Variants in ECHDC2 observed in about 807,000 individuals in gnomAD.
The protein encoded by ECHDC2 is enoyl-CoA hydratase domain containing 2.
A neutral mutation model predicts 40.6 loss-of-function variants in ECHDC2; 34 were observed. That is an observed-to-expected ratio of 0.84 (90% CI 0.64 to 1.11). ECHDC2 has a LOEUF of 1.11. Ranked by LOEUF, ECHDC2 falls within the 50% of genes most tolerant of loss-of-function variation. The pLI, the probability that ECHDC2 is intolerant of heterozygous loss-of-function variation, is 0.00. For missense variants in ECHDC2, 392 were observed against 400.7 expected (o/e 0.98, Z 0.19); for synonymous variants, 162 against 166.6 (o/e 0.97, Z 0.21).
chr1:52,907,784 T>C (rs1024088809), intron 4 of ECHDC2, 84 bp downstream of exon 4: 9 of 1,179,038 alleles, frequency 7.6e-6, no homozygotes, highest in Non-Finnish European at 9.8e-6. Context: ...AAGAAGACTC[T>C]CCTTAGATGC....
chr1:52,897,305 T>C (rs1571899300), intron 9 of ECHDC2, 132 bp downstream of exon 9: 17 of 926,282 alleles, frequency 1.8e-5, no homozygotes, highest in Non-Finnish European at 2.8e-5. Context: ...AGGTGACTTA[T>C]GAGGGACGAT....
rs757837553 is a variant in ECHDC2 at position 52,906,587 on chromosome 1, G to A, written c.389C>T (p.Ala130Val). The A allele has an allele frequency of 1.9e-5, 30 of 1,611,990 alleles. No homozygotes were observed. The highest frequency in any genetic ancestry group is 9.3e-5 in the African/African-American group (7 of 74,904). ...DIAAFPAPTI[A>V]AMDGFALGGG... ...GCCCAAGGCAAACCCATCCATAGCC[G>A]CAATGGTGGGTGCAGGGAAGGCTGC... The change falls in exon 5 of 10, where the codon GCG (alanine) becomes GTG (valine). Residue 130 changes from alanine (A) to valine (V), a missense_variant. Physicochemically the swap from Ala to Val is moderately conservative, Grantham distance 64. Coordinates refer to ENST00000371522, the MANE Select transcript of ECHDC2 (RefSeq NM_001198961.2).
rs576017717 is a variant in ECHDC2 at position 52,903,117 on chromosome 1, A to C, written c.702+1529T>G. Among the ~76,000 whole-genome samples the C allele has an allele frequency of 1.4e-4, 21 of 152,264 alleles. No individual in the cohort carries two copies. In the East Asian group the frequency reaches 1.7e-3, roughly 13 times the overall value. ...CCTCGCAGGGCCTTGGATACCCCAG[A>C]CAGCCAGATCCCAGATATCCCTGCT... On this transcript the variant is annotated intron_variant, in intron 7 of 9. Coordinates refer to ENST00000371522, the MANE Select transcript of ECHDC2 (RefSeq NM_001198961.2).
At chr1:52,910,352 G>GATTTTTTTT (rs1649094598) in intron 3 of ECHDC2, among the ~76,000 whole-genome samples, 1 of 32,062 alleles carries the variant, frequency 3.1e-5, no homozygotes, top group East Asian at 8.5e-4. Flanking sequence ...CCACAATTTC[G>GATTTTTTTT]TTTTTTTTTT....
Position 52,904,829 on chromosome 1 carries a change from C to A in ECHDC2, c.519G>T (p.Gly173=). Residue 173 remains glycine, a synonymous_variant, in exon 7 of 10, where the codon GGG becomes GGT. Transcript: ENST00000371522. ...TTRGLLPGAG[G]TQRLPRCLGV... ...CCAGACAACGGGGCAGCCTCTGAGTCCCTCCTACCAGGATGGAGGGAGCAG... is the reference window on the plus strand; with the variant it reads ...CCAGACAACGGGGCAGCCTCTGAGTACCTCCTACCAGGATGGAGGGAGCAG... 2 of 1,611,434 alleles carry A rather than the reference C, an allele frequency of 1.2e-6. No homozygotes were observed. Among genetic ancestry groups the A allele is most frequent in the African/African-American group, 1.3e-5 (1 of 75,014 alleles).
At chr1:52,912,941 C>A (rs1649891335) in intron 1 of ECHDC2, 1 of 150,842 alleles carries the variant, frequency 6.6e-6, no homozygotes, top group Admixed American at 6.6e-5. Context: ...CCACCTCGGC[C>A]TCTAAAAGTG....
chr1:52,916,387 G>A (rs907726890), intron 1 of ECHDC2, among the ~76,000 whole-genome samples: 3 of 151,988 alleles, frequency 2.0e-5, no homozygotes. Context: ...AATACTGACT[G>A]TCAACTCTTA....
intron 5 of ECHDC2, chr1:52,906,108 C>T: frequency 2.8e-6 from 1 of 351,512 alleles, no homozygotes; most frequent in South Asian, 2.2e-5. Context: ...TGGCTGGTGC[C>T]AGTATTCCTG....
Position 52,896,224 on chromosome 1 carries a change from C to CCT in ECHDC2, c.*295_*296insAG, listed in dbSNP as rs1646629886. ...GCTGAGAGCCAATGATACCAAGACT[C>CCT]AGAGAGATCTAATTTAATTCTTTAT... On this transcript the variant is annotated 3_prime_UTR_variant, in exon 10 of 10. Coordinates refer to ENST00000371522, the MANE Select transcript of ECHDC2 (RefSeq NM_001198961.2). The CCT allele has an allele frequency of 2.8e-6, 1 of 361,506 alleles. No homozygotes were observed. Among genetic ancestry groups the CCT allele is most frequent in the East Asian group, 5.8e-5 (1 of 17,108 alleles). The allele number at this position is 361,506 out of a possible 1,614,324, so 22.4% of individuals were successfully genotyped here.
chr1:52,917,260 G>A (rs1315008142), intron 1 of ECHDC2, among the ~76,000 whole-genome samples: 1 of 151,732 alleles, frequency 6.6e-6, no homozygotes, highest in Non-Finnish European at 1.5e-5. Context: ...AGGGTAGTGT[G>A]GAGAACAACT....
chr1:52,904,677 G>A lies in ECHDC2; in HGVS notation c.671C>T (p.Ala224Val), dbSNP rs753485888. The A allele has an allele frequency of 6.2e-7, 1 of 1,608,944 alleles. No individual in the cohort carries two copies. Among genetic ancestry groups the A allele is most frequent in the Non-Finnish European group, 8.5e-7 (1 of 1,178,148 alleles). ...NEEGDAAYQR[A>V]RALAQEILPQ... ...CAGGATCTCCTGGGCCAGTGCTCGTGCCCGCTGGTAGGCGGCGTCCCCCTC... is the reference window on the plus strand; with the variant it reads ...CAGGATCTCCTGGGCCAGTGCTCGTACCCGCTGGTAGGCGGCGTCCCCCTC... The change falls in exon 7 of 10, where the codon GCA becomes GTA. Residue 224 changes from alanine (A) to valine (V), a missense_variant. Ala to Val is a moderately conservative substitution (Grantham distance 64). Coordinates refer to ENST00000371522, the MANE Select transcript of ECHDC2 (RefSeq NM_001198961.2).
chr1:52,905,081 G>T lies in ECHDC2; in HGVS notation c.467C>A (p.Ala156Glu), dbSNP rs1264279237. 1 of 1,614,034 alleles carries T rather than the reference G, an allele frequency of 6.2e-7. No homozygotes were observed. Among genetic ancestry groups the T allele is most frequent in the African/African-American group, 1.3e-5 (1 of 74,922 alleles). The change falls in exon 6 of 10, where the codon GCA becomes GAA. Residue 156 changes from alanine (A) to glutamate (E), a missense_variant. Ala to Glu is a moderately radical substitution (Grantham distance 107). Coordinates refer to ENST00000371522, the MANE Select transcript of ECHDC2 (RefSeq NM_001198961.2). Reference sequence around the variant, plus strand: ...CGTGGTCTCAATCAGTCCCATGACTGCCGAGGAAGCTGCTCAGATAGAACA... The same window carrying T: ...CGTGGTCTCAATCAGTCCCATGACTTCCGAGGAAGCTGCTCAGATAGAACA... Reference protein sequence around the residue: ...ACDLRVAASSAVMGLIETTRG... With the variant: ...ACDLRVAASSEVMGLIETTRG...
Position 52,905,026 on chromosome 1 carries a change from G to A in ECHDC2, c.514+8C>T. On this transcript the variant is annotated splice_region_variant and intron_variant, in intron 6 of 9. Transcript: ENST00000371522. ...GTGGAATTGGGCGGGTGCTGTAGTT[G>A]CGATTACCTGCCCCCGGGAGGAGCC... 6.2e-7 allele frequency: 1 copy of A among 1,614,204 alleles called. No homozygotes were observed. Among genetic ancestry groups the A allele is most frequent in the Non-Finnish European group, 8.5e-7 (1 of 1,180,012 alleles).
chr1:52,900,113 C>T (rs1293271200), intron 7 of ECHDC2: 1 of 151,864 alleles, frequency 6.6e-6, no homozygotes, highest in African/African-American at 2.4e-5. Flanking sequence ...GTAAAAGGTC[C>T]ACCGGAAAAG....
rs1180835467 is a variant in ECHDC2 at position 52,921,657 on chromosome 1, C to G, written c.17G>C (p.Cys6Ser). ...AAGGGGCCTCCAGGGGCGCAGGAGGCACAGAACGCGCAGCATCGGGGCGCA... is the reference window on the plus strand; with the variant it reads ...AAGGGGCCTCCAGGGGCGCAGGAGGGACAGAACGCGCAGCATCGGGGCGCA... MLRVL[C>S]LLRPWRPLRA... is the part of the protein sequence containing the mutation. The change falls in exon 1 of 10, where the codon TGC becomes TCC. Residue 6 changes from cysteine to serine, a missense_variant. Transcript: ENST00000371522. 6.3e-7 allele frequency: 1 copy of G among 1,578,020 alleles called. No individual in the cohort carries two copies. The highest frequency in any genetic ancestry group is 1.2e-5 in the South Asian group (1 of 86,368).
At position 52,904,819 on chromosome 1, in the gene ECHDC2, G is replaced by T; in HGVS notation, c.529C>A (p.Leu177Met). 1 of 1,612,372 alleles carries T rather than the reference G, an allele frequency of 6.2e-7. No homozygotes were observed. The highest frequency in any genetic ancestry group is 8.5e-7 in the Non-Finnish European group (1 of 1,179,424). The change falls in exon 7 of 10, where the codon CTG (leucine) becomes ATG (methionine). Residue 177 changes from leucine to methionine, a missense_variant. Transcript: ENST00000371522. The part of the protein sequence containing the change: ...LLPGAGGTQR[L>M]PRCLGVALAK... ...AGGGCCACCCCCAGACAACGGGGCA[G>T]CCTCTGAGTCCCTCCTACCAGGATG...
chr1:52,897,217 C>T (rs1646693338), intron 9 of ECHDC2: 3 of 578,540 alleles, frequency 5.2e-6, no homozygotes, highest in Non-Finnish European at 9.3e-6. Flanking sequence ...ATTAAGTGGG[C>T]AGGATGAACC....
intron 5 of ECHDC2, chr1:52,905,393 G>T (rs961466266): frequency 4.3e-6 from 2 of 468,682 alleles, no homozygotes; most frequent in Non-Finnish European, 3.9e-6. Flanking sequence ...TCAGAGAGCC[G>T]CTAAGGATCA....
At chr1:52,899,074 C>A in intron 8 of ECHDC2, 100 bp downstream of exon 8, 1 of 1,239,730 alleles carries the variant, frequency 8.1e-7, no homozygotes, top group Non-Finnish European at 1.2e-6. Flanking sequence ...GAGTCCACTT[C>A]CTGAGTTTTT....
Sources: allele counts gnomAD v4.1 joint callset (sites outside exome capture counted in the v4.1 genomes callset), GRCh38; gene constraint gnomAD v4.1.1; transcripts MANE v1.5; gene names NCBI Gene and HGNC (gene_info 2026-07-23, HGNC 2026-07-21).